PXMP4: variants seen among roughly 807,000 people sequenced by gnomAD.
PXMP4 encodes the protein peroxisomal membrane protein 4.
A neutral mutation model predicts 21.6 loss-of-function variants in PXMP4; 16 were observed. The ratio of observed to expected loss-of-function variants is 0.74; its 90% CI spans 0.50 to 1.13. The LOEUF (loss-of-function observed/expected upper bound fraction) is 1.13, where lower values mean the gene tolerates loss of function less well. PXMP4 is among the 50% of genes most tolerant of loss of function. The pLI is 0.00. For synonymous variants in PXMP4, 127 were observed against 123.8 expected (o/e 1.03, Z -0.17); for missense variants, 240 against 277.7 (o/e 0.86, Z 0.96).
At chr20:33,709,064 G>C (rs1278251935) in intron 3 of PXMP4, among the ~76,000 whole-genome samples, 1 of 152,164 alleles carries the variant, frequency 6.6e-6, no homozygotes, top group Non-Finnish European at 1.5e-5. Context: ...AGACCAAGAG[G>C]GGGTGCATCA....
At chr20:33,718,098 G>C (rs151013625) in intron 1 of PXMP4, among the ~76,000 whole-genome samples, 3 of 152,146 alleles carry the variant, frequency 2.0e-5, no homozygotes, top group Non-Finnish European at 2.9e-5. Flanking sequence ...AGGCTACAAG[G>C]TCTAAAAATC....
intron 3 of PXMP4, 140 bp from the exon 4 acceptor site, chr20:33,708,109 A>T (rs1341015018): frequency 2.3e-5 from 24 of 1,062,758 alleles, no homozygotes; most frequent in Non-Finnish European, 3.2e-5. Context: ...TTATCTCTTC[A>T]AAGAATCAAC....
chr20:33,706,577 T>C lies in PXMP4; in HGVS notation c.*1129A>G, dbSNP rs1421508952. On this transcript the variant is annotated 3_prime_UTR_variant, in exon 4 of 4. Transcript: ENST00000409299. ...ATGATTATCCTCATTTTATGATAAA[T>C]TGAGGCTCTGAGAGGTCCAGAACCT... is the stretch of plus-strand genomic sequence containing the variant. The C allele has an allele frequency of 2.6e-5, 4 of 152,150 alleles. No individual in the cohort carries two copies. Among genetic ancestry groups the C allele is most frequent in the Non-Finnish European group, 4.4e-5 (3 of 68,016 alleles). 9.4% of individuals were successfully genotyped at this position (152,150 alleles called of 1,614,324 possible). A position where few individuals can be genotyped will look rare whatever the true frequency, so the allele number is the denominator to read the frequency against.
At chr20:33,713,224 C>T (rs966397927) in intron 2 of PXMP4, among the ~76,000 whole-genome samples, 7 of 152,126 alleles carry the variant, frequency 4.6e-5, no homozygotes, top group Non-Finnish European at 7.4e-5. Context: ...AGCTGTGACC[C>T]GCCTCTCTGT....
In PXMP4 at chr20:33,707,614, T is replaced by G; in HGVS notation, c.*92A>C. 6.7e-7 allele frequency: 1 copy of G among 1,493,366 alleles called. No individual in the cohort carries two copies. The highest frequency in any genetic ancestry group is 1.3e-5 in the South Asian group (1 of 77,772). The allele number at this position is 1,493,366 out of a possible 1,614,324, so 92.5% of individuals were successfully genotyped here. On this transcript the variant is annotated 3_prime_UTR_variant, in exon 4 of 4. Transcript: ENST00000409299. ...AACCCTGGGATAACACCAGTTGGAGTCTGAGGCCTATGATCTTGAGAAGGC... is the reference window on the plus strand; with the variant it reads ...AACCCTGGGATAACACCAGTTGGAGGCTGAGGCCTATGATCTTGAGAAGGC...
At chr20:33,714,791 T>C in intron 1 of PXMP4, 55 bp from the exon 2 acceptor site, 1 of 1,567,882 alleles carries the variant, frequency 6.4e-7, no homozygotes, top group Non-Finnish European at 8.8e-7. Flanking sequence ...CACTTTCTTT[T>C]TGGGCTGTCC....
intron 1 of PXMP4, among the ~76,000 whole-genome samples, chr20:33,717,546 A>G (rs2018395434): frequency 1.4e-5 from 2 of 145,924 alleles, no homozygotes; most frequent in Non-Finnish European, 3.0e-5. Flanking sequence ...AGGCTGAGGC[A>G]GGAGAATGGC....
chr20:33,719,988 G>T, intron 1 of PXMP4, 107 bp downstream of exon 1: 1 of 1,076,160 alleles, frequency 9.3e-7, no homozygotes, highest in Non-Finnish European at 1.4e-6. Context: ...AGACACACGA[G>T]GACTGCTCCA....
chr20:33,715,115 C>T (rs539844025), intron 1 of PXMP4, among the ~76,000 whole-genome samples: 1 of 152,158 alleles, frequency 6.6e-6, no homozygotes, highest in East Asian at 1.9e-4. Context: ...CAGGTGTGTG[C>T]CATCACGCTC....
intron 2 of PXMP4, among the ~76,000 whole-genome samples, chr20:33,714,243 G>A (rs1051817527): frequency 2.0e-5 from 3 of 152,072 alleles, no homozygotes; most frequent in Non-Finnish European, 4.4e-5. Flanking sequence ...GATCAGAGTT[G>A]GACTTTAGGG....
intron 3 of PXMP4, among the ~76,000 whole-genome samples, chr20:33,708,790 A>C (rs1004620416): frequency 1.3e-5 from 2 of 151,816 alleles, no homozygotes; most frequent in Non-Finnish European, 2.9e-5. Flanking sequence ...TCCCTGGTTC[A>C]AGCGATTCTC....
chr20:33,711,280 A>G (rs1220956244), intron 2 of PXMP4, among the ~76,000 whole-genome samples: 2 of 152,206 alleles, frequency 1.3e-5, no homozygotes, highest in East Asian at 3.8e-4. Flanking sequence ...TGTTAAATAA[A>G]TAATCACAAA....
chr20:33,711,451 T>C (rs1450430277), intron 2 of PXMP4, among the ~76,000 whole-genome samples: 1 of 152,062 alleles, frequency 6.6e-6, no homozygotes, highest in African/African-American at 2.4e-5. Flanking sequence ...ACCGTGGCCA[T>C]GGGCAGAGAA....
At position 33,707,846 on chromosome 20, in the gene PXMP4, C is replaced by A. The variant is rs770423521; in HGVS notation, c.499G>T (p.Val167Leu). The change falls in exon 4 of 4, where the codon GTG becomes TTG. Residue 167 changes from valine (V) to leucine (L), a missense_variant. Coordinates refer to ENST00000409299, the MANE Select transcript of PXMP4 (RefSeq NM_007238.5). ...PLLTAVVWGL[V>L]LWLFEYHRST... Reference sequence around the variant, plus strand: ...CGGTGATACTCAAAGAGCCACAGCACCAGCCCCCACACCACCGCAGTGAGC... The same window carrying A: ...CGGTGATACTCAAAGAGCCACAGCAACAGCCCCCACACCACCGCAGTGAGC... The A allele has an allele frequency of 1.2e-6, 2 of 1,614,114 alleles. No homozygotes were observed. The highest frequency in any genetic ancestry group is 8.5e-7 in the Non-Finnish European group (1 of 1,180,042).
At chr20:33,709,066 G>C (rs1325498611) in intron 3 of PXMP4, among the ~76,000 whole-genome samples, 1 of 152,126 alleles carries the variant, frequency 6.6e-6, no homozygotes, top group Admixed American at 6.6e-5. Flanking sequence ...ACCAAGAGGG[G>C]GTGCATCATC....
intron 1 of PXMP4, among the ~76,000 whole-genome samples, chr20:33,717,378 C>T (rs1202116691): frequency 2.0e-5 from 3 of 151,870 alleles, no homozygotes; most frequent in African/African-American, 4.8e-5. Flanking sequence ...CGGTGGCTCA[C>T]GCCTGTAATC....
rs2018257185 is a variant in PXMP4 at position 33,706,390 on chromosome 20, G to A, written c.*1316C>T. On this transcript the variant is annotated 3_prime_UTR_variant, in exon 4 of 4. Coordinates refer to ENST00000409299, the MANE Select transcript of PXMP4 (RefSeq NM_007238.5). ...GAAGATTGCTTGAGGCTAGGAGGTC[G>A]AGACTAGCCCTAGTGACAGAGCGAG... The A allele has an allele frequency of 6.6e-6, 1 of 151,456 alleles. No individual in the cohort carries two copies. The highest frequency in any genetic ancestry group is 2.0e-4 in the East Asian group (1 of 5,104). 9.4% of individuals were successfully genotyped at this position (151,456 alleles called of 1,614,324 possible).
chr20:33,710,483 C>A, intron 3 of PXMP4, 72 bp downstream of exon 3: 1 of 365,432 alleles, frequency 2.7e-6, no homozygotes, highest in Admixed American at 4.1e-5. Context: ...TGAACCACGC[C>A]CCCTTCTGTC....
Position 33,707,778 on chromosome 20 carries a change from GAGGT to G in PXMP4, c.563_566del (p.Tyr188SerfsTer69), listed in dbSNP as rs1387579620. On this transcript the variant is annotated frameshift_variant, in exon 4 of 4. Coordinates refer to ENST00000409299, the MANE Select transcript of PXMP4 (RefSeq NM_007238.5). LOFTEE classifies it high-confidence loss of function. ...CGTGCCATACATTGCTGTCCTCATA[GAGGT>G]AGGTCATGGAGGACTGCAGCGAGGG... 1 of 1,614,194 alleles carries G rather than the reference GAGGT, an allele frequency of 6.2e-7. No individual in the cohort carries two copies. The highest frequency in any genetic ancestry group is 1.7e-5 in the Admixed American group (1 of 60,014).
Sources: allele counts gnomAD v4.1 joint callset (sites outside exome capture counted in the v4.1 genomes callset), GRCh38; gene constraint gnomAD v4.1.1; transcripts MANE v1.5; gene names NCBI Gene and HGNC (gene_info 2026-07-23, HGNC 2026-07-21).